The following DLG2 variants were observed in gnomAD, a reference collection of about 807,000 sequenced individuals.
DLG2 encodes the protein discs large MAGUK scaffold protein 2.
A neutral mutation model predicts 132.5 loss-of-function variants in DLG2; 45 were observed. The observed-to-expected ratio is 0.34, with a 90% CI of 0.27 to 0.44. The LOEUF is 0.44. Ranked by LOEUF, DLG2 falls within the 20% of genes least tolerant of loss-of-function variation. The pLI is 1.00. For missense variants in DLG2, 1,045 were observed against 1,196.9 expected (o/e 0.87, Z 1.87); for synonymous variants, 424 against 419.6 (o/e 1.01, Z -0.13).
At chr11:83,826,639 C>T (rs189684992) in intron 17 of DLG2, among the ~76,000 whole-genome samples, 2 of 152,232 alleles carry the variant, frequency 1.3e-5, no homozygotes, top group East Asian at 3.9e-4. Flanking sequence ...AAGCTTTTAC[C>T]TCCTCAAAAA....
intron 3 of DLG2, among the ~76,000 whole-genome samples, chr11:85,396,840 T>C (rs1203704159): frequency 6.6e-6 from 1 of 152,164 alleles, no homozygotes; most frequent in Non-Finnish European, 1.5e-5. Flanking sequence ...TTGAACCAAG[T>C]TAGAAAACAC....
chr11:84,492,195 T>A (rs2099167013), intron 7 of DLG2, among the ~76,000 whole-genome samples: 1 of 152,310 alleles, frequency 6.6e-6, no homozygotes, highest in Non-Finnish European at 1.5e-5. Flanking sequence ...AAAGGGTTTT[T>A]AAAATTATTT....
At chr11:85,332,271 G>T (rs1343459385) in intron 3 of DLG2, among the ~76,000 whole-genome samples, 1 of 152,222 alleles carries the variant, frequency 6.6e-6, no homozygotes, top group East Asian at 1.9e-4. Flanking sequence ...CTTCCTTTAA[G>T]AAGTATCTGT....
At chr11:84,361,565 C>A (rs1213600872) in intron 7 of DLG2, among the ~76,000 whole-genome samples, 1 of 150,868 alleles carries the variant, frequency 6.6e-6, no homozygotes. Context: ...GATTTGTGGG[C>A]AAAGAAAAAT....
Position 84,048,535 on chromosome 11 carries a change from C to G in DLG2, c.919+10780G>C, listed in dbSNP as rs150411669. On this transcript the variant is annotated intron_variant, in intron 11 of 27. Transcript: ENST00000376104. ...TAGGAACTTGATCCCAGGACATGAG[C>G]CTGAATAAAAAGTAAACTGTTTCCT... Among the ~76,000 whole-genome samples, 319 of 151,680 alleles carry G rather than the reference C, an allele frequency of 2.1e-3. 2 individuals are homozygous for G. The highest frequency in any genetic ancestry group is 7.3e-3 in the African/African-American group (304 of 41,452).
At chr11:84,735,057 T>C (rs932247372) in intron 6 of DLG2, among the ~76,000 whole-genome samples, 3 of 152,202 alleles carry the variant, frequency 2.0e-5, no homozygotes, top group African/African-American at 7.2e-5. Flanking sequence ...TTATTCAGGA[T>C]TTTTGCATCA....
intron 3 of DLG2, among the ~76,000 whole-genome samples, chr11:85,357,356 C>G (rs963989805): frequency 2.7e-5 from 4 of 148,940 alleles, no homozygotes; most frequent in Admixed American, 6.8e-5. Flanking sequence ...CCATGCCCAG[C>G]TAATTTTTTG....
At chr11:84,957,007 C>T (rs2051766745) in intron 6 of DLG2, among the ~76,000 whole-genome samples, 2 of 152,154 alleles carry the variant, frequency 1.3e-5, no homozygotes, top group Non-Finnish European at 2.9e-5. Flanking sequence ...CTTTCAAATG[C>T]ATTGTAATTC....
chr11:83,520,527 T>C (rs988495908), intron 21 of DLG2, among the ~76,000 whole-genome samples: 1 of 152,202 alleles, frequency 6.6e-6, no homozygotes, highest in Non-Finnish European at 1.5e-5. Context: ...AGGTTCATGG[T>C]GCTTACTGCG....
intron 3 of DLG2, among the ~76,000 whole-genome samples, chr11:85,585,698 T>C (rs2078920558): frequency 6.6e-6 from 1 of 151,930 alleles, no homozygotes; most frequent in African/African-American, 2.4e-5. Context: ...TTAATTCTGT[T>C]TATGTGATAT....
At chr11:83,881,923 G>A (rs1055709307) in intron 15 of DLG2, among the ~76,000 whole-genome samples, 10 of 152,074 alleles carry the variant, frequency 6.6e-5, no homozygotes, top group African/African-American at 2.2e-4. Flanking sequence ...AAAAAAGTAT[G>A]TATTAATAGT....
intron 6 of DLG2, among the ~76,000 whole-genome samples, chr11:85,030,657 C>T (rs1006598339): frequency 5.3e-5 from 8 of 152,072 alleles, no homozygotes; most frequent in African/African-American, 1.9e-4. Flanking sequence ...AAATCGCTGC[C>T]AACTTTCGTC....
At chr11:84,136,722 T>C (rs993019709) in intron 9 of DLG2, among the ~76,000 whole-genome samples, 2 of 152,156 alleles carry the variant, frequency 1.3e-5, no homozygotes, top group African/African-American at 4.8e-5. Context: ...GTGCTTATGG[T>C]CAAGGCAAAG....
At chr11:84,989,251 C>T (rs957832241) in intron 6 of DLG2, among the ~76,000 whole-genome samples, 1 of 152,136 alleles carries the variant, frequency 6.6e-6, no homozygotes, top group African/African-American at 2.4e-5. Context: ...TCTCAGCTCA[C>T]TGCAACCTCT....
At chr11:83,730,219 C>G (rs7104950) in intron 18 of DLG2, among the ~76,000 whole-genome samples, 20 of 140,904 alleles carry the variant, frequency 1.4e-4, no homozygotes, top group Non-Finnish European at 7.6e-5. Flanking sequence ...ACTGTTTCAT[C>G]TGCTATAATT....
intron 7 of DLG2, among the ~76,000 whole-genome samples, chr11:84,311,414 T>C (rs1011710232): frequency 6.6e-5 from 10 of 152,212 alleles, no homozygotes; most frequent in Non-Finnish European, 1.5e-4. Flanking sequence ...CATGAATTTA[T>C]TATCCCAAGT....
chr11:85,026,198 A>G (rs1209069694), intron 6 of DLG2, among the ~76,000 whole-genome samples: 1 of 152,176 alleles, frequency 6.6e-6, no homozygotes, highest in Admixed American at 6.5e-5. Flanking sequence ...AACTGGAAGA[A>G]AATATTTATC....
chr11:84,883,137 G>A (rs931697054), intron 6 of DLG2, among the ~76,000 whole-genome samples: 1 of 152,054 alleles, frequency 6.6e-6, no homozygotes, highest in African/African-American at 2.4e-5. Flanking sequence ...CCATAAAAAA[G>A]GATGAGTTCA....
chr11:84,505,165 A>G (rs1209031315), intron 7 of DLG2, among the ~76,000 whole-genome samples: 1 of 152,092 alleles, frequency 6.6e-6, no homozygotes, highest in Non-Finnish European at 1.5e-5. Context: ...TTTATTTCAA[A>G]CAATCAGTAG....
Sources: gnomAD v4.1 joint callset for allele counts (sites outside exome capture counted in the v4.1 genomes callset) on GRCh38, gnomAD v4.1.1 for gene constraint, MANE v1.5 for transcripts, NCBI Gene and HGNC (gene_info 2026-07-23, HGNC 2026-07-21) for gene names.